Variants in SPOCK3 observed in about 807,000 individuals in gnomAD.
SPOCK3 encodes the protein SPARC (osteonectin), cwcv and kazal like domains proteoglycan 3, also known as testican-3.
Under a neutral mutation model 56.6 loss-of-function variants are expected in SPOCK3, and 30 were observed. That is an observed-to-expected ratio of 0.53 (90% CI 0.40 to 0.72). SPOCK3 has a LOEUF of 0.72. Among genes scored for constraint, SPOCK3 ranks in the 30% least tolerant of loss-of-function variants. The pLI is 0.00. For synonymous variants in SPOCK3, 196 were observed against 183.3 expected (o/e 1.07, Z -0.56); for missense variants, 527 against 530.0 (o/e 0.99, Z 0.06).
At chr4:167,078,949 T>A (rs1161260929) in intron 2 of SPOCK3, among the ~76,000 whole-genome samples, 1 of 151,896 alleles carries the variant, frequency 6.6e-6, no homozygotes, top group East Asian at 1.9e-4. Flanking sequence ...AATACAGTTC[T>A]ATATAATTTT....
chr4:166,870,320 A>T (rs901575638), intron 6 of SPOCK3, among the ~76,000 whole-genome samples: 2 of 152,086 alleles, frequency 1.3e-5, no homozygotes, highest in Admixed American at 1.3e-4. Context: ...GCACAAAAAA[A>T]TTAGTAAGTG....
At chr4:167,217,883 G>C (rs1348504832) in intron 2 of SPOCK3, among the ~76,000 whole-genome samples, 2 of 151,278 alleles carry the variant, frequency 1.3e-5, no homozygotes, top group Non-Finnish European at 2.9e-5. Flanking sequence ...GGCCATCTAG[G>C]AGGAAGTTAT....
chr4:167,087,296 G>A (rs1204568205), intron 2 of SPOCK3, among the ~76,000 whole-genome samples: 1 of 152,040 alleles, frequency 6.6e-6, no homozygotes, highest in East Asian at 1.9e-4. Context: ...TTCAGAGCCA[G>A]AATTTGAAAC....
At chr4:167,128,563 C>A (rs1762468817) in intron 2 of SPOCK3, among the ~76,000 whole-genome samples, 1 of 152,174 alleles carries the variant, frequency 6.6e-6, no homozygotes, top group Admixed American at 6.5e-5. Flanking sequence ...AAACAGTGTT[C>A]AACCATTTGG....
chr4:166,912,499 A>T, intron 5 of SPOCK3, 121 bp downstream of exon 5: 1 of 997,388 alleles, frequency 1.0e-6, no homozygotes, highest in Non-Finnish European at 1.5e-6. Context: ...TGAGATTATT[A>T]ATTTATTTTA....
intron 6 of SPOCK3, among the ~76,000 whole-genome samples, chr4:166,887,571 G>A (rs939328519): frequency 1.3e-5 from 2 of 152,050 alleles, no homozygotes; most frequent in African/African-American, 2.4e-5. Flanking sequence ...TTGATTATCT[G>A]GGGGCTAATT....
intron 6 of SPOCK3, among the ~76,000 whole-genome samples, chr4:166,864,137 C>T (rs186029232): frequency 1.2e-3 from 189 of 152,246 alleles, no homozygotes; most frequent in Non-Finnish European, 2.3e-3. Context: ...TCACTCAAAA[C>T]CACACAACTA....
At chr4:166,808,818 A>C (rs1353592830) in intron 6 of SPOCK3, among the ~76,000 whole-genome samples, 2 of 152,070 alleles carry the variant, frequency 1.3e-5, no homozygotes, top group South Asian at 4.1e-4. Context: ...TCATCTACAA[A>C]CAGAGGCAAA....
intron 2 of SPOCK3, among the ~76,000 whole-genome samples, chr4:167,177,778 C>T (rs1347982598): frequency 6.6e-6 from 1 of 152,068 alleles, no homozygotes; most frequent in Non-Finnish European, 1.5e-5. Flanking sequence ...CTGTCTTTAT[C>T]TTTACACAGG....
intron 4 of SPOCK3, among the ~76,000 whole-genome samples, chr4:166,913,417 A>G (rs1407603422): frequency 6.6e-6 from 1 of 152,138 alleles, no homozygotes; most frequent in African/African-American, 2.4e-5. Context: ...TATTTGTGTG[A>G]ACAATTTACA....
At chr4:166,833,464 T>C (rs940039638) in intron 6 of SPOCK3, among the ~76,000 whole-genome samples, 13 of 152,288 alleles carry the variant, frequency 8.5e-5, no homozygotes, top group African/African-American at 3.1e-4. Flanking sequence ...GCTCTAATAG[T>C]GGGTATGTGT....
At chr4:166,959,552 C>T (rs1029360399) in intron 4 of SPOCK3, among the ~76,000 whole-genome samples, 2 of 150,916 alleles carry the variant, frequency 1.3e-5, no homozygotes, top group African/African-American at 2.4e-5. Context: ...GTGGAGGTTG[C>T]AGTGAGCTGA....
chr4:166,876,285 C>T (rs1436046774), intron 6 of SPOCK3, among the ~76,000 whole-genome samples: 3 of 152,042 alleles, frequency 2.0e-5, no homozygotes, highest in Admixed American at 6.6e-5. Context: ...TCCTACATAC[C>T]GCTGCGAATG....
chr4:166,739,966 CAGAAAAAATAA>C (rs1734661535), intron 9 of SPOCK3, among the ~76,000 whole-genome samples: 1 of 151,960 alleles, frequency 6.6e-6, no homozygotes, highest in African/African-American at 2.4e-5. Flanking sequence ...GATTAAAGGC[CAGAAAAAATAA>C]GGAAAAAATT....
At chr4:166,924,522 CCA>C (rs1181537920) in intron 4 of SPOCK3, among the ~76,000 whole-genome samples, 1 of 152,218 alleles carries the variant, frequency 6.6e-6, no homozygotes, top group Non-Finnish European at 1.5e-5. Context: ...AAAATGCTCA[CCA>C]CAGTCTCTCT....
chr4:166,937,459 T>A (rs1220707499), intron 4 of SPOCK3, among the ~76,000 whole-genome samples: 1 of 148,760 alleles, frequency 6.7e-6, no homozygotes, highest in Non-Finnish European at 1.5e-5. Context: ...AAACACTCCT[T>A]TTCCATACAT....
chr4:167,198,954 C>A (rs1733233846), intron 2 of SPOCK3, among the ~76,000 whole-genome samples: 1 of 152,064 alleles, frequency 6.6e-6, no homozygotes. Flanking sequence ...TAGCTAAAAA[C>A]ACCCATCATT....
chr4:166,952,422 G>T (rs551507681), intron 4 of SPOCK3, among the ~76,000 whole-genome samples: 6 of 151,990 alleles, frequency 3.9e-5, no homozygotes, highest in East Asian at 1.9e-4. Context: ...CACTGCTCAA[G>T]GAAATAAAAG....
chr4:166,842,119 A>C (rs1302326314), intron 6 of SPOCK3, among the ~76,000 whole-genome samples: 1 of 152,158 alleles, frequency 6.6e-6, no homozygotes, highest in Non-Finnish European at 1.5e-5. Flanking sequence ...GAAGCTGCAG[A>C]CCTTTGCAGT....
Sources: allele counts gnomAD v4.1 joint callset (sites outside exome capture counted in the v4.1 genomes callset), GRCh38; gene constraint gnomAD v4.1.1; transcripts MANE v1.5; gene names NCBI Gene and HGNC (gene_info 2026-07-23, HGNC 2026-07-21).